The following GPD2 variants were observed in gnomAD, a reference collection of about 807,000 sequenced individuals.
GPD2 encodes the protein glycerol-3-phosphate dehydrogenase 2.
A neutral mutation model predicts 82.4 loss-of-function variants in GPD2; 54 were observed. That is an observed-to-expected ratio of 0.66 (90% CI 0.53 to 0.82). GPD2 has a LOEUF of 0.82. Among genes scored for constraint, GPD2 ranks in the 40% least tolerant of loss-of-function variants. GPD2 has a pLI of 0.00. For missense variants in GPD2, 748 were observed against 896.2 expected (o/e 0.83, Z 2.11); for synonymous variants, 288 against 306.1 (o/e 0.94, Z 0.62).
intron 3 of GPD2, among the ~76,000 whole-genome samples, chr2:156,497,531 G>A (rs1227167916): frequency 6.6e-6 from 1 of 152,142 alleles, no homozygotes; most frequent in Non-Finnish European, 1.5e-5. Flanking sequence ...TGATTTATTA[G>A]ATGGAATAAT....
At chr2:156,527,902 A>T (rs1201539722) in intron 6 of GPD2, among the ~76,000 whole-genome samples, 1 of 152,144 alleles carries the variant, frequency 6.6e-6, no homozygotes, top group Non-Finnish European at 1.5e-5. Flanking sequence ...TTCCTTAAGA[A>T]GGTTGAAGTC....
chr2:156,568,846 C>T lies in GPD2; in HGVS notation c.1187C>T (p.Ala396Val). ...CCAGTGAGAAGAGGGGATGTCCTGGCAGCATGGAGTGGAATCCGTCCTCTT... is the reference window on the plus strand; with the variant it reads ...CCAGTGAGAAGAGGGGATGTCCTGGTAGCATGGAGTGGAATCCGTCCTCTT... ...DVEVRRGDVL[A>V]AWSGIRPLVT... Residue 396 changes from alanine to valine, a missense_variant, in exon 10 of 17, where the codon GCA becomes GTA. By Grantham distance (64) the Ala-to-Val change is moderately conservative. Around this residue, in one of 3 missense-constraint regions of GPD2, gnomAD observed 692 missense variants for 809.7 expected, o/e 0.85. Coordinates refer to ENST00000438166, the MANE Select transcript of GPD2 (RefSeq NM_000408.5). The T allele has an allele frequency of 1.2e-6, 2 of 1,612,536 alleles. No homozygotes were observed. The highest frequency in any genetic ancestry group is 1.7e-6 in the Non-Finnish European group (2 of 1,178,720).
intron 3 of GPD2, among the ~76,000 whole-genome samples, chr2:156,502,257 G>A (rs1218782670): frequency 2.0e-5 from 3 of 152,018 alleles, no homozygotes; most frequent in Non-Finnish European, 2.9e-5. Context: ...GGTAGGAAAG[G>A]TGTTTTTAAG....
chr2:156,454,086 G>T (rs1269563238), intron 1 of GPD2, among the ~76,000 whole-genome samples: 1 of 152,068 alleles, frequency 6.6e-6, no homozygotes, highest in African/African-American at 2.4e-5. Context: ...GAAATTGGAA[G>T]GTGAGCTGGA....
At chr2:156,444,623 G>A (rs1173243531) in intron 1 of GPD2, among the ~76,000 whole-genome samples, 1 of 152,156 alleles carries the variant, frequency 6.6e-6, no homozygotes, top group African/African-American at 2.4e-5. Context: ...TGAGGCATGA[G>A]AATTGCTTGA....
At chr2:156,525,087 T>C (rs1685555647) in intron 6 of GPD2, among the ~76,000 whole-genome samples, 1 of 152,222 alleles carries the variant, frequency 6.6e-6, no homozygotes, top group East Asian at 1.9e-4. Flanking sequence ...CTTGATTCTT[T>C]TCATTTATTT....
At chr2:156,432,445 A>G (rs1688328642), upstream of GPD2, among the ~76,000 whole-genome samples, 1 of 152,012 alleles carries the variant, frequency 6.6e-6, no homozygotes, top group Admixed American at 6.5e-5. Flanking sequence ...GCCTATTCCC[A>G]TCTTTATGTC....
At chr2:156,569,587 G>T (rs1687534440) in intron 11 of GPD2, 49 bp downstream of exon 11, 1 of 1,396,878 alleles carries the variant, frequency 7.2e-7, no homozygotes, top group African/African-American at 1.4e-5. Context: ...ATCTCTCACT[G>T]CTGCCAGTGA....
intron 6 of GPD2, among the ~76,000 whole-genome samples, chr2:156,542,422 G>A (rs550053287): frequency 3.8e-4 from 58 of 152,294 alleles, no homozygotes. Flanking sequence ...ATAGGTGACA[G>A]CAAATTACTC....
At chr2:156,432,476 C>T (rs936055594), upstream of GPD2, among the ~76,000 whole-genome samples, 59 of 152,124 alleles carry the variant, frequency 3.9e-4, no homozygotes, top group African/African-American at 1.3e-3. Flanking sequence ...CATGATTTAG[C>T]TCACACTTAC....
upstream of GPD2, among the ~76,000 whole-genome samples, chr2:156,432,078 A>C (rs1045572843): frequency 3.3e-5 from 5 of 151,940 alleles, no homozygotes; most frequent in African/African-American, 1.2e-4. Flanking sequence ...ACTAGAGACA[A>C]GGTTCCACCA....
chr2:156,404,879 C>T, the GPD2 span, among the ~76,000 whole-genome samples: 7 of 150,650 alleles, frequency 4.6e-5, no homozygotes, highest in Admixed American at 2.7e-4. Context: ...GAAACATTTA[C>T]ATTTAGAGAA....
intron 9 of GPD2, among the ~76,000 whole-genome samples, chr2:156,562,966 C>A (rs1001618776): frequency 1.7e-4 from 26 of 152,036 alleles, no homozygotes; most frequent in Admixed American, 1.5e-3. Context: ...TCTAGGTGAG[C>A]CAGTCTAGTA....
chr2:156,521,300 A>G (rs917131150), intron 6 of GPD2, among the ~76,000 whole-genome samples: 1 of 152,204 alleles, frequency 6.6e-6, no homozygotes, highest in African/African-American at 2.4e-5. Context: ...CTAGAAAGCT[A>G]CTTTCCAAAG....
chr2:156,496,127 G>C lies in GPD2; in HGVS notation c.186G>C (p.Leu62=), dbSNP rs749484773. 6.2e-7 allele frequency: 1 copy of C among 1,612,792 alleles called. No individual in the cohort carries two copies. The highest frequency in any genetic ancestry group is 1.7e-5 in the Admixed American group (1 of 60,014). Residue 62 remains leucine, a synonymous_variant, in exon 3 of 17, where the codon CTG becomes CTC. Transcript: ENST00000438166. ...CTCCTTCCAGAGAAGCTCAGCTACT[G>C]ACTTTGCAAAACACATCTGAATTTG... ...REPPSREAQL[L]TLQNTSEFDI...
At chr2:156,496,303 A>G in intron 3 of GPD2, 88 bp downstream of exon 3, 1 of 892,564 alleles carries the variant, frequency 1.1e-6, no homozygotes, top group Non-Finnish European at 1.8e-6. Flanking sequence ...AGTGTGTGCC[A>G]TGGTGGTTTG....
chr2:156,428,026 C>T, the GPD2 span, among the ~76,000 whole-genome samples: 12 of 152,170 alleles, frequency 7.9e-5, no homozygotes, highest in Non-Finnish European at 1.8e-4. Context: ...AGGGCCCACA[C>T]CCATAATTCA....
intron 8 of GPD2, among the ~76,000 whole-genome samples, chr2:156,554,292 A>T (rs1686879190): frequency 1.3e-5 from 2 of 152,318 alleles, no homozygotes; most frequent in South Asian, 4.1e-4. Context: ...TCAGGGATGA[A>T]CCAAAGCTTC....
At position 156,583,022 on chromosome 2, in the gene GPD2, G is replaced by A. The variant is rs1222199728; in HGVS notation, c.*104G>A. The A allele has an allele frequency of 6.3e-6, 8 of 1,270,300 alleles. No homozygotes were observed. The highest frequency in any genetic ancestry group is 3.7e-5 in the South Asian group (3 of 80,824). The allele number at this position is 1,270,300 out of a possible 1,614,324, so 78.7% of individuals were successfully genotyped here. A position where few individuals can be genotyped will look rare whatever the true frequency, so the allele number is the denominator to read the frequency against. ...TCTGAAATAATGAATGTGGATAGCT[G>A]CCTTTTTTAACACTAGAAAACATTC... On this transcript the variant is annotated 3_prime_UTR_variant, in exon 17 of 17. Coordinates refer to ENST00000438166, the MANE Select transcript of GPD2 (RefSeq NM_000408.5).
Sources: allele counts gnomAD v4.1 joint callset (sites outside exome capture counted in the v4.1 genomes callset), GRCh38; gene constraint gnomAD v4.1.1; regional missense constraint gnomAD v4.1.1; transcripts MANE v1.5; gene names NCBI Gene and HGNC (gene_info 2026-07-23, HGNC 2026-07-21).